The following NCL variants were observed in gnomAD, a reference collection of about 807,000 sequenced individuals.
The protein encoded by NCL is nucleolin multifunctional protein.
In NCL, 4 loss-of-function variants were observed where a neutral mutation model predicts 77.7. The ratio of observed to expected loss-of-function variants is 0.05; its 90% CI spans 0.03 to 0.12. The LOEUF is 0.12. Ranked by LOEUF, NCL falls within the 10% of genes least tolerant of loss-of-function variation. The probability of loss-of-function intolerance (pLI) is 1.00; values close to 1 mark genes in which losing one functional copy is unlikely to be tolerated. For missense variants in NCL, 763 were observed against 860.9 expected, an observed-to-expected ratio of 0.89 and a Z score of 1.42; for synonymous variants, 344 against 297.8, an observed-to-expected ratio of 1.16 and a Z score of -1.60.
At chr2:231,458,807 A>C in intron 7 of NCL, 194 bp downstream of exon 7, 1 of 557,624 alleles carries the variant, frequency 1.8e-6, no homozygotes, top group Non-Finnish European at 2.8e-6. Context: ...AGGAATTTAC[A>C]CTATAACACT....
chr2:231,463,181 T>A lies in NCL; in HGVS notation c.135+19A>T, dbSNP rs773852574. On this transcript the variant is annotated intron_variant, in intron 2 of 13. Coordinates refer to ENST00000322723, the MANE Select transcript of NCL (RefSeq NM_005381.3). ...TTTGTAGTTTTAACATAATTCTGCA[T>A]TAAGTTGGATAAAATTACCTCTTCT... 5 of 1,520,122 alleles carry A rather than the reference T, an allele frequency of 3.3e-6. No homozygotes were observed. The highest frequency in any genetic ancestry group is 4.5e-6 in the Non-Finnish European group (5 of 1,111,750). The allele number at this position is 1,520,122 out of a possible 1,614,324, so 94.2% of individuals were successfully genotyped here. A position where few individuals can be genotyped will look rare whatever the true frequency, so the allele number is the denominator to read the frequency against.
chr2:231,454,844 C>T lies in NCL; in HGVS notation c.*347G>A, dbSNP rs558474864. 21 of 160,124 alleles carry T rather than the reference C, an allele frequency of 1.3e-4. No homozygotes were observed. The highest frequency in any genetic ancestry group is 1.2e-3 in the South Asian group (8 of 6,672). 9.9% of individuals were successfully genotyped at this position (160,124 alleles called of 1,614,324 possible). On this transcript the variant is annotated 3_prime_UTR_variant, in exon 14 of 14. Coordinates refer to ENST00000322723, the MANE Select transcript of NCL (RefSeq NM_005381.3). ...TTCTTTTCTTTTACAACCCCACGAA[C>T]GCAAAAAAAAAAAAAACAAAAACAA...
At position 231,461,941 on chromosome 2, in the gene NCL, T is replaced by A; in HGVS notation, c.212A>T (p.Lys71Met). 1 of 1,614,204 alleles carries A rather than the reference T, an allele frequency of 6.2e-7. No homozygotes were observed. Among genetic ancestry groups the A allele is most frequent in the East Asian group, 2.2e-5 (1 of 44,892 alleles). Residue 71 changes from lysine (K) to methionine (M), a missense_variant, in exon 3 of 14, where the codon AAG (lysine) becomes ATG (methionine). Around this residue, in one of 2 missense-constraint regions of NCL, gnomAD observed 590 missense variants for 570.5 expected, o/e 1.03. Coordinates refer to ENST00000322723, the MANE Select transcript of NCL (RefSeq NM_005381.3). ...AKKVVVSPTK[K>M]VAVATPAKKA... ...CTTGGCTGGTGTGGCAACTGCAACC[T>A]TTTTTGTTGGGGAAACGACCACCTT...
At chr2:231,456,330 T>C in intron 11 of NCL, 194 bp from the exon 12 acceptor site, 1 of 876,500 alleles carries the variant, frequency 1.1e-6, no homozygotes, top group South Asian at 1.5e-5. Flanking sequence ...CATTGCATAG[T>C]TGATATCCTG....
At chr2:231,460,402 TTTCAGTATTAAG>T (rs746912547) in intron 5 of NCL, 64 bp downstream of exon 5, 3 of 1,592,208 alleles carry the variant, frequency 1.9e-6, no homozygotes, top group Non-Finnish European at 2.6e-6. Flanking sequence ...TAACATCAGG[TTTCAGTATTAAG>T]TCCCTTTGTT....
At position 231,454,846 on chromosome 2, in the gene NCL, C is replaced by CAAAAAAAAAAAAAAAAA. The variant is rs201409564; in HGVS notation, c.*344_*345insTTTTTTTTTTTTTTTTT. Reference sequence around the variant, plus strand: ...CTTTTCTTTTACAACCCCACGAACGCAAAAAAAAAAAAAACAAAAACAAAA... The same window carrying CAAAAAAAAAAAAAAAAA: ...CTTTTCTTTTACAACCCCACGAACGCAAAAAAAAAAAAAAAAAAAAAAAAAAAAAAACAAAAACAAAA... On this transcript the variant is annotated 3_prime_UTR_variant, in exon 14 of 14. Coordinates refer to ENST00000322723, the MANE Select transcript of NCL (RefSeq NM_005381.3). 36 of 97,110 alleles carry CAAAAAAAAAAAAAAAAA rather than the reference C, an allele frequency of 3.7e-4. No individual in the cohort carries two copies. Among genetic ancestry groups the CAAAAAAAAAAAAAAAAA allele is most frequent in the Non-Finnish European group, 6.7e-4 (30 of 44,626 alleles). The allele number at this position is 97,110 out of a possible 1,614,324, so 6.0% of individuals were successfully genotyped here.
chr2:231,462,191 C>T (rs900499875), intron 2 of NCL, 174 bp from the exon 3 acceptor site: 17 of 874,888 alleles, frequency 1.9e-5, no homozygotes, highest in African/African-American at 1.7e-4. Context: ...GTCAGAGCCC[C>T]TATCATAAGG....
chr2:231,463,089 A>G, intron 2 of NCL, 111 bp downstream of exon 2: 2 of 788,264 alleles, frequency 2.5e-6, no homozygotes, highest in Non-Finnish European at 2.1e-6. Context: ...AACCACTACA[A>G]TAAGACATAC....
Position 231,460,301 on chromosome 2 carries a change from A to G in NCL, c.899-8T>C. 1 of 1,613,858 alleles carries G rather than the reference A, an allele frequency of 6.2e-7. No individual in the cohort carries two copies. Among genetic ancestry groups the G allele is most frequent in the South Asian group, 1.1e-5 (1 of 90,998 alleles). ...CCGTAGTCGGTTCTGTGCCTGCACAAAAAAAGCTCAACTCAGTCTACTTGT... is the reference window on the plus strand; with the variant it reads ...CCGTAGTCGGTTCTGTGCCTGCACAGAAAAAGCTCAACTCAGTCTACTTGT... On this transcript the variant is annotated splice_polypyrimidine_tract_variant and splice_region_variant and intron_variant, in intron 5 of 13. Coordinates refer to ENST00000322723, the MANE Select transcript of NCL (RefSeq NM_005381.3).
rs954216054 is a variant in NCL at position 231,454,193 on chromosome 2, C to G, written c.*998G>C. 6.6e-6 allele frequency: 1 copy of G among 152,262 alleles called. No individual in the cohort carries two copies. The highest frequency in any genetic ancestry group is 2.4e-5 in the African/African-American group (1 of 41,436). The allele number at this position is 152,262 out of a possible 1,614,324, so 9.4% of individuals were successfully genotyped here. A position where few individuals can be genotyped will look rare whatever the true frequency, so the allele number is the denominator to read the frequency against. On this transcript the variant is annotated 3_prime_UTR_variant, in exon 14 of 14. Coordinates refer to ENST00000322723, the MANE Select transcript of NCL (RefSeq NM_005381.3). ...GGGAGATGGGAGTCTCGCTTTGTTA[C>G]CCAGCCTGGAGTATAGTAGTGTGTG... is the stretch of plus-strand genomic sequence containing the variant.
chr2:231,456,078 T>C lies in NCL; in HGVS notation c.1764A>G (p.Leu588=), dbSNP rs149759354. Residue 588 remains leucine, a synonymous_variant, in exon 12 of 14, where the codon TTA becomes TTG. Transcript: ENST00000322723. ...GLSEDTTEET[L]KESFDGSVRA... ...GAACGGAGCCGTCAAATGACTCCTT[T>C]AATGTCTCTTCAGTGGTATCCTCAG... is the stretch of plus-strand genomic sequence containing the variant. The C allele has an allele frequency of 7.4e-6, 12 of 1,614,052 alleles. No homozygotes were observed. Among genetic ancestry groups the C allele is most frequent in the Admixed American group, 1.7e-5 (1 of 59,996 alleles).
rs373080459 is a variant in NCL at position 231,460,901 on chromosome 2, T to C, written c.614-35A>G. 3.9e-4 allele frequency: 594 copies of C among 1,518,308 alleles called. 4 individuals carry two copies. Among genetic ancestry groups the C allele is most frequent in the Non-Finnish European group, 5.0e-4 (547 of 1,094,572 alleles). The allele number at this position is 1,518,308 out of a possible 1,614,324, so 94.1% of individuals were successfully genotyped here. A position where few individuals can be genotyped will look rare whatever the true frequency, so the allele number is the denominator to read the frequency against. ...AAGTCACCTAAAAATTGCAGCAATC[T>C]CCCAAAACCAACATCGGTTTTCAAA... On this transcript the variant is annotated intron_variant, in intron 3 of 13. Coordinates refer to ENST00000322723, the MANE Select transcript of NCL (RefSeq NM_005381.3).
intron 7 of NCL, 132 bp from the exon 8 acceptor site, chr2:231,458,521 G>C (rs1244123482): frequency 1.7e-6 from 2 of 1,165,246 alleles, no homozygotes; most frequent in Non-Finnish European, 2.4e-6. Flanking sequence ...TACAAGGCTC[G>C]GTGCTAAATA....
intron 6 of NCL, 142 bp downstream of exon 6, chr2:231,460,010 C>G: frequency 1.0e-6 from 1 of 987,182 alleles, no homozygotes; most frequent in Admixed American, 2.6e-5. Flanking sequence ...CAGTTTAATT[C>G]TAACTTAGTT....
chr2:231,461,814 T>TAAC lies in NCL; in HGVS notation c.338_339insGTT (p.Thr113_Pro114insLeu), dbSNP rs2046954668. On this transcript the variant is annotated inframe_insertion, in exon 3 of 14. Transcript: ENST00000322723. Reference sequence around the variant, plus strand: ...GAGTTGCTACCAATGCTTTGCCTGGTGTGGCTCCCTTCTTGCCAGGTGTGG... The same window carrying TAAC: ...GAGTTGCTACCAATGCTTTGCCTGGTAACGTGGCTCCCTTCTTGCCAGGTGTGG... The TAAC allele has an allele frequency of 6.2e-7, 1 of 1,613,436 alleles. No homozygotes were observed. The highest frequency in any genetic ancestry group is 8.5e-7 in the Non-Finnish European group (1 of 1,179,962).
In NCL at chr2:231,456,633, C is replaced by T; in HGVS notation, c.1703G>A (p.Ser568Asn). The T allele has an allele frequency of 6.2e-7, 1 of 1,614,204 alleles. No individual in the cohort carries two copies. ...GCACCCTAACCAGGTGAACTTACGGCTTCTGGCATTAGGTGATCCCCTGGG... is the reference window on the plus strand; with the variant it reads ...GCACCCTAACCAGGTGAACTTACGGTTTCTGGCATTAGGTGATCCCCTGGG... The part of the protein sequence containing the change: ...QGPRGSPNAR[S>N]QPSKTLFVKG... Residue 568 changes from serine (S) to asparagine (N), a missense_variant and splice_region_variant, in exon 11 of 14, where the codon AGC becomes AAC. This residue lies in a region of NCL where 173 missense variants were observed against 290.4 expected (regional missense o/e 0.60). Transcript: ENST00000322723.
rs2046981612 is a variant in NCL, at chr2:231,464,443, C to G, written c.-90G>C. 4 of 1,518,400 alleles carry G rather than the reference C, an allele frequency of 2.6e-6. No individual in the cohort carries two copies. Among genetic ancestry groups the G allele is most frequent in the East Asian group, 2.4e-5 (1 of 40,948 alleles). The allele number at this position is 1,518,400 out of a possible 1,614,324, so 94.1% of individuals were successfully genotyped here. On this transcript the variant is annotated 5_prime_UTR_variant, in exon 1 of 14. Transcript: ENST00000322723. ...GATGGCGGCCGCGGGTGCTGAAGATCCCGGAGCACGTACACCCGAAGGCCA... is the reference window on the plus strand; with the variant it reads ...GATGGCGGCCGCGGGTGCTGAAGATGCCGGAGCACGTACACCCGAAGGCCA...
intron 6 of NCL, 38 bp downstream of exon 6, chr2:231,460,114 C>A (rs1575261511): frequency 6.3e-7 from 1 of 1,582,372 alleles, no homozygotes. Context: ...AAAGCATTAA[C>A]AGACCCACGT....
In NCL at chr2:231,461,875, G is replaced by A; in HGVS notation, c.278C>T (p.Pro93Leu). The A allele has an allele frequency of 3.7e-6, 6 of 1,614,196 alleles. No homozygotes were observed. Among genetic ancestry groups the A allele is most frequent in the Middle Eastern group, 1.6e-4 (1 of 6,062 alleles). Residue 93 changes from proline (P) to leucine (L), a missense_variant, in exon 3 of 14, where the codon CCT becomes CTT. This residue lies in a region of NCL where 590 missense variants were observed against 570.5 expected (regional missense o/e 1.03). Transcript: ENST00000322723. ...VTPGKKAAAT[P>L]AKKTVTPAKA... is the part of the protein sequence containing the mutation. ...GGCTGGTGTAACTGTCTTCTTGGCA[G>A]GTGTTGCTGCTGCCTTTTTGCCTGG...
Sources: gnomAD v4.1 joint callset for allele counts on GRCh38, gnomAD v4.1.1 for gene constraint, gnomAD v4.1.1 regional missense constraint, MANE v1.5 for transcripts, NCBI Gene and HGNC (gene_info 2026-07-23, HGNC 2026-07-21) for gene names.